RAP1GAP2: variants seen among roughly 807,000 people sequenced by gnomAD.
RAP1GAP2 encodes rap1 GTPase-activating protein 2.
Under a neutral mutation model 95.0 loss-of-function variants are expected in RAP1GAP2, and 27 were observed. That is an observed-to-expected ratio of 0.28 (90% CI 0.21 to 0.39). The LOEUF (loss-of-function observed/expected upper bound fraction) is 0.39. Among genes scored for constraint, RAP1GAP2 ranks in the 10% least tolerant of loss-of-function variants. The probability of loss-of-function intolerance (pLI) is 1.00; values close to 1 mark genes in which losing one functional copy is unlikely to be tolerated. For synonymous variants in RAP1GAP2, 373 were observed against 380.9 expected (o/e 0.98, Z 0.24); for missense variants, 771 against 970.0 (o/e 0.79, Z 2.72).
At chr17:2,940,667 C>T (rs909973254) in intron 3 of RAP1GAP2, among the ~76,000 whole-genome samples, 2 of 152,202 alleles carry the variant, frequency 1.3e-5, no homozygotes, top group African/African-American at 4.8e-5. Context: ...CACACTGTCC[C>T]TGCAGGCTCT....
chr17:2,834,667 G>C (rs1269310341), intron 2 of RAP1GAP2, among the ~76,000 whole-genome samples: 1 of 152,078 alleles, frequency 6.6e-6, no homozygotes, highest in Non-Finnish European at 1.5e-5. Context: ...CATGGTGGCA[G>C]GTGCTTGTAG....
At chr17:2,789,346 C>T (rs1241598988) in intron 1 of RAP1GAP2, among the ~76,000 whole-genome samples, 2 of 152,112 alleles carry the variant, frequency 1.3e-5, no homozygotes, top group African/African-American at 4.8e-5. Context: ...CCGTGGCCGG[C>T]ATTATCAAAT....
chr17:2,999,122 G>A (rs1362035853), intron 14 of RAP1GAP2, among the ~76,000 whole-genome samples: 7 of 152,112 alleles, frequency 4.6e-5, no homozygotes, highest in Non-Finnish European at 1.0e-4. Flanking sequence ...CAGATGGCTC[G>A]AAATCCTCAC....
chr17:2,961,140 G>A (rs962994633), intron 4 of RAP1GAP2, among the ~76,000 whole-genome samples: 6 of 151,482 alleles, frequency 4.0e-5, no homozygotes, highest in Non-Finnish European at 7.4e-5. Flanking sequence ...TCACTTGAAC[G>A]CGGGAGGTGG....
At chr17:2,769,177 A>T (rs568195103) in intron 1 of RAP1GAP2, among the ~76,000 whole-genome samples, 2 of 145,176 alleles carry the variant, frequency 1.4e-5, no homozygotes, top group Non-Finnish European at 3.0e-5. Context: ...GGCTTCAGTG[A>T]ACTATAATTG....
At chr17:2,987,147 A>T (rs906725988) in intron 11 of RAP1GAP2, among the ~76,000 whole-genome samples, 1 of 152,292 alleles carries the variant, frequency 6.6e-6, no homozygotes, top group Admixed American at 6.5e-5. Context: ...CGATAAACAC[A>T]GGCAGCAGGC....
chr17:2,881,824 T>A lies in RAP1GAP2; in HGVS notation c.81-23460T>A, dbSNP rs984818891. On this transcript the variant is annotated intron_variant, in intron 2 of 24. Transcript: ENST00000254695. ...CTAGTGGGTGTGATCTGCTTTTTTT[T>A]ATTTGTTTGTTTTTGAGACGGAGTC... Among the ~76,000 whole-genome samples the A allele has an allele frequency of 5.3e-5, 8 of 152,308 alleles. No individual in the cohort carries two copies. In the East Asian group the frequency reaches 1.2e-3, roughly 22 times the overall value.
chr17:2,939,031 A>G (rs1326156093), intron 3 of RAP1GAP2, among the ~76,000 whole-genome samples: 1 of 152,158 alleles, frequency 6.6e-6, no homozygotes, highest in Non-Finnish European at 1.5e-5. Context: ...CTGTTCCTCA[A>G]AGAAAACGGT....
intron 2 of RAP1GAP2, among the ~76,000 whole-genome samples, chr17:2,881,980 C>T (rs1282026470): frequency 1.3e-5 from 2 of 151,950 alleles, no homozygotes; most frequent in Admixed American, 6.6e-5. Flanking sequence ...GCCACCACGC[C>T]TGGCTAATTT....
intron 2 of RAP1GAP2, among the ~76,000 whole-genome samples, chr17:2,850,487 G>C (rs565847909): frequency 7.1e-4 from 108 of 151,542 alleles, no homozygotes; most frequent in African/African-American, 2.5e-3. Context: ...TGTGGCTCAT[G>C]CCTGTAATCC....
intron 3 of RAP1GAP2, among the ~76,000 whole-genome samples, chr17:2,912,487 G>A (rs1465515744): frequency 6.6e-6 from 1 of 152,158 alleles, no homozygotes; most frequent in African/African-American, 2.4e-5. Context: ...GAAGGGAGGA[G>A]GCATTTGTGG....
chr17:3,025,910 C>T, intron 19 of RAP1GAP2, 98 bp from the exon 20 acceptor site: 6 of 869,978 alleles, frequency 6.9e-6, no homozygotes, highest in Middle Eastern at 2.3e-4. Context: ...GACCCCACTG[C>T]CCCTCACCGT....
chr17:3,025,854 A>G (rs977719478), intron 19 of RAP1GAP2, among the ~76,000 whole-genome samples, 154 bp from the exon 20 acceptor site: 2 of 152,182 alleles, frequency 1.3e-5, no homozygotes, highest in African/African-American at 4.8e-5. Context: ...TGGGGGGCTC[A>G]GGTGGGAAAG....
intron 17 of RAP1GAP2, among the ~76,000 whole-genome samples, chr17:3,009,564 G>C (rs1161385013): frequency 1.3e-5 from 2 of 152,190 alleles, no homozygotes; most frequent in Non-Finnish European, 2.9e-5. Flanking sequence ...GATTCCACCC[G>C]CACTAGCCTG....
intron 3 of RAP1GAP2, among the ~76,000 whole-genome samples, chr17:2,945,462 G>C (rs2043667497): frequency 6.6e-6 from 1 of 152,068 alleles, no homozygotes; most frequent in Non-Finnish European, 1.5e-5. Context: ...CCTTTCCGTG[G>C]TAGATACCTT....
intron 1 of RAP1GAP2, among the ~76,000 whole-genome samples, chr17:2,759,343 C>G (rs1266129035): frequency 3.3e-5 from 5 of 152,140 alleles, no homozygotes. Context: ...TGCAGTGGCT[C>G]AATCACAGCT....
chr17:2,970,732 T>C (rs1451657221), intron 8 of RAP1GAP2, among the ~76,000 whole-genome samples: 2 of 152,242 alleles, frequency 1.3e-5, no homozygotes, highest in Non-Finnish European at 2.9e-5. Context: ...TGGGCTGTTA[T>C]TTAAGATTCT....
In RAP1GAP2 at chr17:2,796,626, T is replaced by G. The variant is rs865851435; in HGVS notation, c.44+55T>G. On this transcript the variant is annotated intron_variant, in intron 1 of 24. Transcript: ENST00000254695. The surrounding 1 kb of genome is among the most constrained non-coding windows in gnomAD (Gnocchi z 4.7). ...GATGGGAGAGAACTTAGAAGTGAAG[T>G]CTTGTTAAGTGCATTGGCGGCCGTG... The G allele has an allele frequency of 1.3e-6, 2 of 1,542,456 alleles. No individual in the cohort carries two copies. Among genetic ancestry groups the G allele is most frequent in the Middle Eastern group, 1.7e-4 (1 of 5,974 alleles).
intron 1 of RAP1GAP2, among the ~76,000 whole-genome samples, chr17:2,766,299 G>A (rs1307720068): frequency 6.6e-6 from 1 of 152,184 alleles, no homozygotes; most frequent in Admixed American, 6.6e-5. Flanking sequence ...CCCGCACTGT[G>A]ATGGGTTTAG....
Sources: gnomAD v4.1 joint callset for allele counts (sites outside exome capture counted in the v4.1 genomes callset) on GRCh38, gnomAD v4.1.1 for gene constraint, Gnocchi (gnomAD v3.1) non-coding constraint, MANE v1.5 for transcripts, NCBI Gene and HGNC (gene_info 2026-07-23, HGNC 2026-07-21) for gene names.